The following NACAD variants were observed in gnomAD, a reference collection of about 807,000 sequenced individuals.
The protein encoded by NACAD is NAC alpha domain containing, also known as NAC-alpha domain-containing protein 1.
A neutral mutation model predicts 98.9 loss-of-function variants in NACAD; 47 were observed. The ratio of observed to expected loss-of-function variants is 0.48; its 90% CI spans 0.38 to 0.61. The LOEUF (loss-of-function observed/expected upper bound fraction) is 0.61. Among genes scored for constraint, NACAD ranks in the 20% least tolerant of loss-of-function variants. NACAD has a pLI of 0.00. For synonymous variants in NACAD, 696 were observed against 767.2 expected, an observed-to-expected ratio of 0.91 and a Z score of 1.53; for missense variants, 1,412 against 1,748.2, an observed-to-expected ratio of 0.81 and a Z score of 3.43.
Position 45,080,770 on chromosome 7 carries a change from TGGG to T in NACAD, c.4552-11_4552-9del. The T allele has an allele frequency of 2.6e-6, 4 of 1,550,772 alleles. No individual in the cohort carries two copies. Among genetic ancestry groups the T allele is most frequent in the Non-Finnish European group, 3.5e-6 (4 of 1,146,958 alleles). The stretch of plus-strand genomic sequence containing the variant: ...CAGCCCCGCCTCGTCCACCTGGAGT[TGGG>T]GGAGCAGGGAAGTGGCTGGAGCTGC... On this transcript the variant is annotated splice_polypyrimidine_tract_variant and intron_variant, in intron 6 of 7. Coordinates refer to ENST00000490531, the MANE Select transcript of NACAD (RefSeq NM_001146334.2).
Position 45,082,367 on chromosome 7 carries a change from T to A in NACAD, c.3813A>T (p.Pro1271=). 6.5e-7 allele frequency: 1 copy of A among 1,549,946 alleles called. No homozygotes were observed. Among genetic ancestry groups the A allele is most frequent in the South Asian group, 1.2e-5 (1 of 84,032 alleles). Residue 1271 remains proline (P), a synonymous_variant, in exon 2 of 8, where the codon CCA becomes CCT. Coordinates refer to ENST00000490531, the MANE Select transcript of NACAD (RefSeq NM_001146334.2). This position sits in a 1 kb window ranked among gnomAD's most constrained non-coding sequence, Gnocchi z 4.5. ...CAGGCTGGACTCCTGCCTGGGGCGGTGGGAGGCCCAGAGAGCCTGGGGGCT... is the reference window on the plus strand; with the variant it reads ...CAGGCTGGACTCCTGCCTGGGGCGGAGGGAGGCCCAGAGAGCCTGGGGGCT... ...DEEPPGSLGL[P]PPQAGVQPAA... is the part of the protein sequence containing the mutation.
At position 45,084,718 on chromosome 7, in the gene NACAD, G is replaced by C. The variant is rs374364750; in HGVS notation, c.1462C>G (p.Leu488Val). The change falls in exon 2 of 8, where the codon CTG becomes GTG. Residue 488 changes from leucine (L) to valine (V), a missense_variant. By Grantham distance (32) the Leu-to-Val change is conservative. Around this residue, in one of 5 missense-constraint regions of NACAD, gnomAD observed 638 missense variants for 722.7 expected, o/e 0.88. Coordinates refer to ENST00000490531, the MANE Select transcript of NACAD (RefSeq NM_001146334.2). The part of the protein sequence containing the change: ...ESTATVTPHT[L>V]QVAPGLQVEV... ...ACCTGGAGGCCTGGGGCTACCTGCAGAGTGTGAGGGGTCACAGTGGCAGTG... is the reference window on the plus strand; with the variant it reads ...ACCTGGAGGCCTGGGGCTACCTGCACAGTGTGAGGGGTCACAGTGGCAGTG... The C allele has an allele frequency of 6.4e-7, 1 of 1,551,236 alleles. No homozygotes were observed.
At position 45,083,259 on chromosome 7, in the gene NACAD, C is replaced by T. The variant is rs775105208; in HGVS notation, c.2921G>A (p.Gly974Asp). The T allele has an allele frequency of 6.4e-7, 1 of 1,551,068 alleles. No homozygotes were observed. Among genetic ancestry groups the T allele is most frequent in the Non-Finnish European group, 8.7e-7 (1 of 1,147,008 alleles). The change falls in exon 2 of 8, where the codon GGC becomes GAC. Residue 974 changes from glycine (G) to aspartate (D), a missense_variant. This residue lies in a region of NACAD where 572 missense variants were observed against 639.6 expected (regional missense o/e 0.89). Transcript: ENST00000490531. Reference protein sequence around the residue: ...MAQQEVGEALGPRPAPEEKNA... With the variant: ...MAQQEVGEALDPRPAPEEKNA... Reference sequence around the variant, plus strand: ...CTTCTCCTCAGGTGCTGGCCTGGGGCCTAAGGCCTCACCTACTTCCTGCTG... The same window carrying T: ...CTTCTCCTCAGGTGCTGGCCTGGGGTCTAAGGCCTCACCTACTTCCTGCTG...
rs1437207938 is a variant in NACAD, at chr7:45,081,769, G to C, written c.4171C>G (p.Gln1391Glu). The change falls in exon 3 of 8, where the codon CAG becomes GAG. Residue 1391 changes from glutamine (Q) to glutamate (E), a missense_variant. By Grantham distance (29) the Gln-to-Glu change is conservative. Coordinates refer to ENST00000490531, the MANE Select transcript of NACAD (RefSeq NM_001146334.2). ...GGACTGGGCACCTGGGCTGGACACT[G>C]CACGGTCTGAGGAGCCAAGATGTCC... The part of the protein sequence containing the change: ...EQDILAPQTV[Q>E]CPAQAPAGGS... 9.7e-6 allele frequency: 15 copies of C among 1,551,004 alleles called. No homozygotes were observed. The East Asian group carries it at 2.9e-4, about 30-fold the overall frequency.
At position 45,086,156 on chromosome 7, in the gene NACAD, C is replaced by G. The variant is rs1422765959; in HGVS notation, c.68-44G>C. The G allele has an allele frequency of 4.4e-5, 67 of 1,524,420 alleles. 1 individual carries two copies. The highest frequency in any genetic ancestry group is 5.3e-5 in the Non-Finnish European group (60 of 1,139,872). The allele number at this position is 1,524,420 out of a possible 1,614,324, so 94.4% of individuals were successfully genotyped here. A position where few individuals can be genotyped will look rare whatever the true frequency, so the allele number is the denominator to read the frequency against. ...TCATGAGGTGCCCCTGGATGCATCT[C>G]CCAGGCAAGGGCCAGGCCCGGGGAG... On this transcript the variant is annotated intron_variant, in intron 1 of 7. Coordinates refer to ENST00000490531, the MANE Select transcript of NACAD (RefSeq NM_001146334.2).
rs370635083 is a variant in NACAD, at chr7:45,085,327, T to C, written c.853A>G (p.Ser285Gly). The C allele has an allele frequency of 7.3e-4, 1,127 of 1,551,024 alleles. 6 individuals carry two copies. The African/African-American group carries it at 0.012, about 17-fold the overall frequency. The stretch of plus-strand genomic sequence containing the variant: ...TGGCCCTCCTGGCCCCAGGAGGAGC[T>C]GCTGTCTGCAGAGAGGCTGGACTCA... The part of the protein sequence containing the change: ...SSESSLSADS[S>G]SSWGQEGHFF... The change falls in exon 2 of 8, where the codon AGC becomes GGC. Residue 285 changes from serine to glycine, a missense_variant. By Grantham distance (56) the Ser-to-Gly change is moderately conservative. Coordinates refer to ENST00000490531, the MANE Select transcript of NACAD (RefSeq NM_001146334.2). The surrounding 1 kb of genome is among the most constrained non-coding windows in gnomAD (Gnocchi z 6.1).
chr7:45,082,082 C>T lies in NACAD; in HGVS notation c.4072+26G>A, dbSNP rs777324922. 3.4e-4 allele frequency: 499 copies of T among 1,462,852 alleles called. 4 individuals are homozygous for T. Among genetic ancestry groups the T allele is most frequent in the Admixed American group, 8.2e-5 (3 of 36,616 alleles). The allele number at this position is 1,462,852 out of a possible 1,614,324, so 90.6% of individuals were successfully genotyped here. On this transcript the variant is annotated intron_variant, in intron 2 of 7. Transcript: ENST00000490531. The surrounding 1 kb of genome is among the most constrained non-coding windows in gnomAD (Gnocchi z 4.5). Reference sequence around the variant, plus strand: ...AGTCCAGTTGACCCAAGCCCCAGGGCACTTCACTCCCACCCTCTGCCTTAC... The same window carrying T: ...AGTCCAGTTGACCCAAGCCCCAGGGTACTTCACTCCCACCCTCTGCCTTAC...
Position 45,085,262 on chromosome 7 carries a change from G to A in NACAD, c.918C>T (p.Ile306=). Residue 306 remains isoleucine (I), a synonymous_variant, in exon 2 of 8, where the codon ATC becomes ATT. Coordinates refer to ENST00000490531, the MANE Select transcript of NACAD (RefSeq NM_001146334.2). The surrounding 1 kb of genome is among the most constrained non-coding windows in gnomAD (Gnocchi z 6.1). ...CCTGGAAGGGTAGGAGGGCTGCGGG[G>A]ATCATTGGGTCATTGGCCAGGAAGT... ...DLDFLANDPM[I]PAALLPFQGS... 6.4e-7 allele frequency: 1 copy of A among 1,551,378 alleles called. No homozygotes were observed. The highest frequency in any genetic ancestry group is 2.4e-5 in the East Asian group (1 of 40,924).
intron 4 of NACAD, 142 bp downstream of exon 4, chr7:45,081,459 A>AG: frequency 8.0e-7 from 1 of 1,247,078 alleles, no homozygotes. Flanking sequence ...GTTTAGGGGA[A>AG]GGTGTGTGGG....
In NACAD at chr7:45,085,291, G is replaced by T; in HGVS notation, c.889C>A (p.Leu297Met). 1.3e-6 allele frequency: 2 copies of T among 1,551,242 alleles called. No individual in the cohort carries two copies. The highest frequency in any genetic ancestry group is 1.7e-6 in the Non-Finnish European group (2 of 1,146,938). The change falls in exon 2 of 8, where the codon CTG becomes ATG. Residue 297 changes from leucine (L) to methionine (M), a missense_variant. This residue lies in a region of NACAD where 638 missense variants were observed against 722.7 expected (regional missense o/e 0.88). Coordinates refer to ENST00000490531, the MANE Select transcript of NACAD (RefSeq NM_001146334.2). The surrounding 1 kb of genome is among the most constrained non-coding windows in gnomAD (Gnocchi z 6.1). ...SWGQEGHFFD[L>M]DFLANDPMIP... ...ATTGGGTCATTGGCCAGGAAGTCCAGGTCGAAGAAGTGGCCCTCCTGGCCC... is the reference window on the plus strand; with the variant it reads ...ATTGGGTCATTGGCCAGGAAGTCCATGTCGAAGAAGTGGCCCTCCTGGCCC...
rs1784481036 is a variant in NACAD at position 45,084,547 on chromosome 7, T to C, written c.1633A>G (p.Lys545Glu). ...ILGQESVTAE[K>E]LPTPQEETSL... ...GTTTCTTCCTGTGGAGTTGGAAGTT[T>C]TTCTGCAGTGACAGACTCTTGGCCT... Residue 545 changes from lysine to glutamate, a missense_variant, in exon 2 of 8, where the codon AAA becomes GAA. Around this residue, in one of 5 missense-constraint regions of NACAD, gnomAD observed 638 missense variants for 722.7 expected, o/e 0.88. Transcript: ENST00000490531. 1.9e-6 allele frequency: 3 copies of C among 1,552,194 alleles called. No homozygotes were observed. The highest frequency in any genetic ancestry group is 2.6e-6 in the Non-Finnish European group (3 of 1,147,106).
intron 1 of NACAD, among the ~76,000 whole-genome samples, chr7:45,086,646 C>A (rs930711649): frequency 6.6e-6 from 1 of 152,248 alleles, no homozygotes; most frequent in African/African-American, 2.4e-5. Context: ...TCCTTGCTAC[C>A]TACACTTGAG....
Position 45,083,229 on chromosome 7 carries a change from G to A in NACAD, c.2951C>T (p.Ala984Val). 6.4e-7 allele frequency: 1 copy of A among 1,550,866 alleles called. No homozygotes were observed. Among genetic ancestry groups the A allele is most frequent in the South Asian group, 1.2e-5 (1 of 84,058 alleles). Reference protein sequence around the residue: ...GPRPAPEEKNAALPTVPEPAA... With the variant: ...GPRPAPEEKNVALPTVPEPAA... ...AGGCTCCGGGACTGTAGGGAGGGCT[G>A]CATTCTTCTCCTCAGGTGCTGGCCT... is the stretch of plus-strand genomic sequence containing the variant. The change falls in exon 2 of 8, where the codon GCA becomes GTA. Residue 984 changes from alanine (A) to valine (V), a missense_variant. Physicochemically the swap from Ala to Val is moderately conservative, Grantham distance 64. Transcript: ENST00000490531.
Position 45,082,807 on chromosome 7 carries a change from C to CCCTGGCTGGGCTCAGGAGCCGGG in NACAD, c.3350_3372dup (p.Glu1125ProfsTer4). 1 of 1,549,734 alleles carries CCCTGGCTGGGCTCAGGAGCCGGG rather than the reference C, an allele frequency of 6.5e-7. No homozygotes were observed. The highest frequency in any genetic ancestry group is 8.7e-7 in the Non-Finnish European group (1 of 1,146,630). ...GACTTGCCACTCAGGCCTCTTTCCT[C>CCCTGGCTGGGCTCAGGAGCCGGG]CCTGGCTGGGCTCAGGAGCCGGGCC... On this transcript the variant is annotated stop_gained and frameshift_variant, in exon 2 of 8. Transcript: ENST00000490531. LOFTEE classifies it high-confidence loss of function. The surrounding 1 kb of genome is among the most constrained non-coding windows in gnomAD (Gnocchi z 4.5).
rs1022823706 is a variant in NACAD at position 45,088,426 on chromosome 7, G to A, written c.67+402C>T. Among the ~76,000 whole-genome samples, 2 of 152,150 alleles carry A rather than the reference G, an allele frequency of 1.3e-5. No homozygotes were observed. The highest frequency in any genetic ancestry group is 2.9e-5 in the Non-Finnish European group (2 of 68,022). On this transcript the variant is annotated intron_variant, in intron 1 of 7. Transcript: ENST00000490531. This position sits in a 1 kb window ranked among gnomAD's most constrained non-coding sequence, Gnocchi z 5.7. ...GGTGCAACTGAGGACCCTCCCGGTG[G>A]TCACCTGATCGTACTGGGGGTATCA...
In NACAD at chr7:45,085,223, A is replaced by G; in HGVS notation, c.957T>C (p.Phe319=). 6.4e-7 allele frequency: 1 copy of G among 1,551,430 alleles called. No homozygotes were observed. Among genetic ancestry groups the G allele is most frequent in the Non-Finnish European group, 8.7e-7 (1 of 1,146,910 alleles). The change falls in exon 2 of 8, where the codon TTT becomes TTC. Residue 319 remains phenylalanine (F), a synonymous_variant. Transcript: ENST00000490531. This position sits in a 1 kb window ranked among gnomAD's most constrained non-coding sequence, Gnocchi z 6.1. ...GTGTCACCTCCACTGCCTCCACCTG[A>G]AAGATGAGGCTGCCCTGGAAGGGTA... The part of the protein sequence containing the change: ...ALLPFQGSLI[F]QVEAVEVTPL...
Position 45,082,261 on chromosome 7 carries a change from T to A in NACAD, c.3919A>T (p.Ser1307Cys), listed in dbSNP as rs768416264. 6.4e-7 allele frequency: 1 copy of A among 1,550,406 alleles called. No homozygotes were observed. Among genetic ancestry groups the A allele is most frequent in the South Asian group, 1.2e-5 (1 of 84,030 alleles). Residue 1307 changes from serine to cysteine, a missense_variant, in exon 2 of 8, where the codon AGC becomes TGC. Physicochemically the swap from Ser to Cys is moderately radical, Grantham distance 112 (BLOSUM62 -1). Around this residue, in one of 5 missense-constraint regions of NACAD, gnomAD observed 572 missense variants for 639.6 expected, o/e 0.89. Coordinates refer to ENST00000490531, the MANE Select transcript of NACAD (RefSeq NM_001146334.2). The surrounding 1 kb of genome is among the most constrained non-coding windows in gnomAD (Gnocchi z 4.5). ...GCATCCATGGAGGCCACCTTGGGGC[T>A]GAGGAGTGGGGAGTGAGGCGAGAGG... is the stretch of plus-strand genomic sequence containing the variant. Reference protein sequence around the residue: ...VSLSPHSPLLSPKVASMDAKD... With the variant: ...VSLSPHSPLLCPKVASMDAKD...
Position 45,085,656 on chromosome 7 carries a change from G to A in NACAD, c.524C>T (p.Thr175Met), listed in dbSNP as rs1280729084. 4.5e-6 allele frequency: 7 copies of A among 1,548,132 alleles called. No homozygotes were observed. Among genetic ancestry groups the A allele is most frequent in the Non-Finnish European group, 6.1e-6 (7 of 1,145,794 alleles). ...SPPPDPDSFF[T>M]PPSTPTKTTY... ...GGTCTTGGTGGGGGTGGAGGGAGGCGTGAAGAAGGAATCAGGGTCTGGGGG... is the reference window on the plus strand; with the variant it reads ...GGTCTTGGTGGGGGTGGAGGGAGGCATGAAGAAGGAATCAGGGTCTGGGGG... Residue 175 changes from threonine to methionine, a missense_variant, in exon 2 of 8, where the codon ACG (threonine) becomes ATG (methionine). Physicochemically the swap from Thr to Met is moderately conservative, Grantham distance 81. This residue lies in a region of NACAD where 638 missense variants were observed against 722.7 expected (regional missense o/e 0.88). Coordinates refer to ENST00000490531, the MANE Select transcript of NACAD (RefSeq NM_001146334.2). The surrounding 1 kb of genome is among the most constrained non-coding windows in gnomAD (Gnocchi z 6.1).
In NACAD at chr7:45,085,033, C is replaced by G. The variant is rs1190408839; in HGVS notation, c.1147G>C (p.Asp383His). The G allele has an allele frequency of 1.9e-6, 3 of 1,550,828 alleles. No individual in the cohort carries two copies. Among genetic ancestry groups the G allele is most frequent in the South Asian group, 2.4e-5 (2 of 84,008 alleles). The change falls in exon 2 of 8, where the codon GAC (aspartate) becomes CAC (histidine). Residue 383 changes from aspartate to histidine, a missense_variant. Coordinates refer to ENST00000490531, the MANE Select transcript of NACAD (RefSeq NM_001146334.2). The surrounding 1 kb of genome is among the most constrained non-coding windows in gnomAD (Gnocchi z 6.1). ...GMDEAFAFRDDTSAASSDSDS... is the reference protein window; with the variant it reads ...GMDEAFAFRDHTSAASSDSDS... The stretch of plus-strand genomic sequence containing the variant: ...GAATCAGAGGAGGCTGCAGAGGTGT[C>G]GTCCCGGAAGGCAAAAGCCTCGTCC...
Sources: allele counts gnomAD v4.1 joint callset (sites outside exome capture counted in the v4.1 genomes callset), GRCh38; gene constraint gnomAD v4.1.1; regional missense constraint gnomAD v4.1.1; non-coding constraint Gnocchi (gnomAD v3.1); transcripts MANE v1.5; gene names NCBI Gene and HGNC (gene_info 2026-07-23, HGNC 2026-07-21).